The following LUZP2 variants were observed in gnomAD, a reference collection of about 807,000 sequenced individuals.
LUZP2 encodes the protein leucine zipper protein 2.
In LUZP2, 52 loss-of-function variants were observed where a neutral mutation model predicts 51.6. The ratio of observed to expected loss-of-function variants is 1.01; its 90% CI spans 0.81 to 1.27. The LOEUF (loss-of-function observed/expected upper bound fraction) is 1.27. Among genes scored for constraint, LUZP2 ranks in the 50% most tolerant of loss-of-function variants. LUZP2 has a pLI of 0.00. For synonymous variants in LUZP2, 154 were observed against 137.3 expected, an observed-to-expected ratio of 1.12 and a Z score of -0.85; for missense variants, 436 against 395.4, an observed-to-expected ratio of 1.10 and a Z score of -0.87.
intron 1 of LUZP2, among the ~76,000 whole-genome samples, chr11:24,724,159 T>A (rs1042277500): frequency 6.6e-6 from 1 of 152,228 alleles, no homozygotes; most frequent in Non-Finnish European, 1.5e-5. Context: ...TTTGTTTTTC[T>A]ACATGAATGC....
intron 1 of LUZP2, among the ~76,000 whole-genome samples, chr11:24,499,023 A>G (rs993524105): frequency 2.0e-5 from 3 of 152,188 alleles, no homozygotes; most frequent in African/African-American, 4.8e-5. Context: ...TCAAAAAGCC[A>G]TTATCTTTTC....
At chr11:24,697,746 T>A (rs937098585) in intron 1 of LUZP2, among the ~76,000 whole-genome samples, 1 of 152,234 alleles carries the variant, frequency 6.6e-6, no homozygotes, top group African/African-American at 2.4e-5. Context: ...GTTGTCTTAC[T>A]GCTCCAGAGT....
chr11:24,933,946 T>G (rs1349062392), intron 7 of LUZP2, among the ~76,000 whole-genome samples: 1 of 152,114 alleles, frequency 6.6e-6, no homozygotes, highest in Admixed American at 6.5e-5. Context: ...TATTACAAAG[T>G]ACCTTCTTAA....
intron 5 of LUZP2, among the ~76,000 whole-genome samples, chr11:24,880,738 ATG>A (rs149405346): frequency 0.066 from 9,985 of 150,230 alleles, 1,065 homozygotes; most frequent in African/African-American, 0.22. Context: ...ATGGTGAAGA[ATG>A]TGTGTGTGTG....
At chr11:24,661,174 A>T (rs1031248987) in intron 1 of LUZP2, among the ~76,000 whole-genome samples, 4 of 151,940 alleles carry the variant, frequency 2.6e-5, no homozygotes, top group African/African-American at 9.7e-5. Context: ...TTGAAACTTC[A>T]TGCTCTAATA....
intron 5 of LUZP2, among the ~76,000 whole-genome samples, chr11:24,853,800 G>C (rs1008521497): frequency 2.0e-5 from 3 of 152,098 alleles, no homozygotes; most frequent in African/African-American, 4.8e-5. Flanking sequence ...CTACGGATGG[G>C]GTTTTGGTGT....
chr11:24,703,894 T>C (rs967090277), intron 1 of LUZP2, among the ~76,000 whole-genome samples: 15 of 151,930 alleles, frequency 9.9e-5, no homozygotes, highest in Admixed American at 9.8e-4. Context: ...TCACAAACTA[T>C]TTTAGTTTTT....
chr11:24,568,237 A>G (rs1053580521), intron 1 of LUZP2, among the ~76,000 whole-genome samples: 1 of 151,784 alleles, frequency 6.6e-6, no homozygotes, highest in South Asian at 2.1e-4. Context: ...GTGCATGCCT[A>G]TAATCCCAGC....
intron 5 of LUZP2, among the ~76,000 whole-genome samples, chr11:24,883,138 T>C (rs1024864275): frequency 6.6e-6 from 1 of 151,786 alleles, no homozygotes; most frequent in Non-Finnish European, 1.5e-5. Context: ...GGATTTCCCA[T>C]GGATTTAACA....
intron 9 of LUZP2, among the ~76,000 whole-genome samples, chr11:24,991,396 GTATATA>G (rs58483878): frequency 2.5e-4 from 31 of 124,966 alleles, no homozygotes; most frequent in African/African-American, 5.0e-4. Flanking sequence ...GTGTGTGTGT[GTATATA>G]TATATATATA....
chr11:24,710,040 A>G (rs1857754386), intron 1 of LUZP2, among the ~76,000 whole-genome samples: 1 of 152,090 alleles, frequency 6.6e-6, no homozygotes, highest in Admixed American at 6.5e-5. Context: ...GATCCTTTTT[A>G]TTTGCCCTCA....
chr11:24,649,976 GACACAC>G (rs138976467), intron 1 of LUZP2, among the ~76,000 whole-genome samples: 56 of 146,998 alleles, frequency 3.8e-4, no homozygotes, highest in Admixed American at 1.3e-3. Context: ...TACACACAGA[GACACAC>G]ACACACACAC....
chr11:24,750,771 C>T (rs182860289), intron 4 of LUZP2, among the ~76,000 whole-genome samples: 9 of 152,234 alleles, frequency 5.9e-5, no homozygotes, highest in Non-Finnish European at 2.9e-5. Context: ...ATTTTAATCA[C>T]ATCCAGTACA....
At chr11:24,654,188 A>G (rs922105855) in intron 1 of LUZP2, among the ~76,000 whole-genome samples, 1 of 152,200 alleles carries the variant, frequency 6.6e-6, no homozygotes, top group African/African-American at 2.4e-5. Context: ...TAGATACATA[A>G]GCCAGTTGGT....
At chr11:24,914,131 G>A (rs936293862) in intron 6 of LUZP2, among the ~76,000 whole-genome samples, 1 of 152,132 alleles carries the variant, frequency 6.6e-6, no homozygotes, top group Non-Finnish European at 1.5e-5. Context: ...TAAAAAAAAT[G>A]AGGCATGCAT....
intron 1 of LUZP2, among the ~76,000 whole-genome samples, chr11:24,671,561 T>TAAACACAC (rs1856402003): frequency 6.8e-6 from 1 of 148,026 alleles, no homozygotes; most frequent in Admixed American, 6.8e-5. Context: ...CTCTCTGTCT[T>TAAACACAC]ACACACACAC....
intron 5 of LUZP2, among the ~76,000 whole-genome samples, chr11:24,824,691 A>G (rs1271600539): frequency 6.6e-6 from 1 of 152,020 alleles, no homozygotes; most frequent in African/African-American, 2.4e-5. Flanking sequence ...TTTATTTTAT[A>G]TGATCACACA....
At chr11:24,522,696 G>A (rs994705637) in intron 1 of LUZP2, among the ~76,000 whole-genome samples, 6 of 151,820 alleles carry the variant, frequency 4.0e-5, no homozygotes, top group East Asian at 1.9e-4. Flanking sequence ...TAATCCACTC[G>A]GAAAGGATGT....
intron 5 of LUZP2, among the ~76,000 whole-genome samples, chr11:24,859,435 A>C (rs907517259): frequency 2.3e-4 from 35 of 152,314 alleles, no homozygotes; most frequent in African/African-American, 8.4e-4. Context: ...GTAAGACCTA[A>C]AACTATACAA....
Sources: gnomAD v4.1 joint callset for allele counts (sites outside exome capture counted in the v4.1 genomes callset) on GRCh38, gnomAD v4.1.1 for gene constraint, MANE v1.5 for transcripts, NCBI Gene and HGNC (gene_info 2026-07-23, HGNC 2026-07-21) for gene names.